CRYBG3: variants seen among roughly 807,000 people sequenced by gnomAD.
CRYBG3 encodes the protein very large A-kinase anchor protein.
Under a neutral mutation model 244.2 loss-of-function variants are expected in CRYBG3, and 127 were observed. The ratio of observed to expected loss-of-function variants is 0.52; its 90% CI spans 0.45 to 0.60. The LOEUF (loss-of-function observed/expected upper bound fraction) is 0.60. Among genes scored for constraint, CRYBG3 ranks in the 20% least tolerant of loss-of-function variants. The pLI is 0.00. For missense variants in CRYBG3, 3,325 were observed against 3,442.5 expected, an observed-to-expected ratio of 0.97 and a Z score of 0.85; for synonymous variants, 1,132 against 1,195.8, an observed-to-expected ratio of 0.95 and a Z score of 1.10.
At chr3:97,939,590 T>C (rs1363433746) in intron 19 of CRYBG3, among the ~76,000 whole-genome samples, 3 of 152,082 alleles carry the variant, frequency 2.0e-5, no homozygotes, top group Admixed American at 6.6e-5. Flanking sequence ...CCTGAGTTAA[T>C]TGATTAAAAC....
At chr3:97,900,912 A>G (rs2039699297) in intron 15 of CRYBG3, among the ~76,000 whole-genome samples, 2 of 152,208 alleles carry the variant, frequency 1.3e-5, no homozygotes, top group Admixed American at 1.3e-4. Context: ...TGAGCTAGTG[A>G]ACTTGAAACC....
chr3:97,885,400 G>A (rs992079180), intron 7 of CRYBG3, among the ~76,000 whole-genome samples: 4 of 152,114 alleles, frequency 2.6e-5, no homozygotes, highest in African/African-American at 4.8e-5. Context: ...ACCTATTAAA[G>A]CATATGCATT....
rs1575970208 is a variant in CRYBG3, at chr3:97,925,811, G to C, written c.8242-7883G>C. Among the ~76,000 whole-genome samples the C allele has an allele frequency of 2.0e-5, 3 of 151,822 alleles. No homozygotes were observed. In the South Asian group the frequency reaches 6.3e-4, roughly 32 times the overall value. On this transcript the variant is annotated intron_variant, in intron 17 of 21. Coordinates refer to ENST00000389622, the MANE Select transcript of CRYBG3 (RefSeq NM_153605.4). ...TAATACTTCTGGGTTTTAGGTATAT[G>C]GTCATCTATGTTATTCTTTTTAAAA...
intron 19 of CRYBG3, 36 bp from the exon 20 acceptor site, chr3:97,941,112 A>G (rs2040223580): frequency 6.4e-7 from 1 of 1,560,178 alleles, no homozygotes; most frequent in South Asian, 1.2e-5. Context: ...CCAGATTCAA[A>G]AGTTTATTTC....
At chr3:97,916,847 GTGGCTACTAA>G (rs2039934169) in intron 17 of CRYBG3, among the ~76,000 whole-genome samples, 1 of 152,030 alleles carries the variant, frequency 6.6e-6, no homozygotes, top group African/African-American at 2.4e-5. Context: ...GAAAGAATAA[GTGGCTACTAA>G]TACTTCTTGT....
intron 1 of CRYBG3, among the ~76,000 whole-genome samples, chr3:97,833,352 G>A (rs1420674175): frequency 6.6e-6 from 1 of 152,134 alleles, no homozygotes; most frequent in Non-Finnish European, 1.5e-5. Context: ...AGAAAATGTG[G>A]CACATATACA....
chr3:97,829,369 A>G (rs1559710818), intron 1 of CRYBG3, among the ~76,000 whole-genome samples: 1 of 152,194 alleles, frequency 6.6e-6, no homozygotes, highest in African/African-American at 2.4e-5. Context: ...AGCCACAAAT[A>G]TATCAACATA....
chr3:97,877,257 A>C lies in CRYBG3; in HGVS notation c.6063A>C (p.Thr2021=), dbSNP rs747639769. 6.2e-7 allele frequency: 1 copy of C among 1,613,746 alleles called. No individual in the cohort carries two copies. The highest frequency in any genetic ancestry group is 1.7e-5 in the Admixed American group (1 of 60,000). ...DKYASAEARQ[T]QSVLFHDTSA... Reference sequence around the variant, plus strand: ...ATGCTTCCGCAGAAGCAAGACAAACACAGTCTGTCTTGTTTCATGATACGT... The same window carrying C: ...ATGCTTCCGCAGAAGCAAGACAAACCCAGTCTGTCTTGTTTCATGATACGT... The change falls in exon 4 of 22, where the codon ACA becomes ACC. Residue 2021 remains threonine (T), a synonymous_variant. Coordinates refer to ENST00000389622, the MANE Select transcript of CRYBG3 (RefSeq NM_153605.4).
chr3:97,843,908 T>C (rs1381700764), intron 2 of CRYBG3, among the ~76,000 whole-genome samples: 3 of 152,146 alleles, frequency 2.0e-5, no homozygotes, highest in African/African-American at 7.2e-5. Context: ...CACGTTTTGG[T>C]AGCTATCCCA....
chr3:97,869,436 A>G (rs901540812), intron 3 of CRYBG3, among the ~76,000 whole-genome samples: 1 of 152,134 alleles, frequency 6.6e-6, no homozygotes, highest in African/African-American at 2.4e-5. Flanking sequence ...TAAGAACAGA[A>G]TTTTGTACTT....
chr3:97,910,729 T>C (rs2039861761), intron 15 of CRYBG3, among the ~76,000 whole-genome samples: 1 of 152,220 alleles, frequency 6.6e-6, no homozygotes, highest in Admixed American at 6.5e-5. Context: ...CGCTGGGAGC[T>C]GTAGACCGGA....
Position 97,876,183 on chromosome 3 carries a change from T to A in CRYBG3, c.4989T>A (p.Val1663=). Residue 1663 remains valine, a synonymous_variant, in exon 4 of 22, where the codon GTT becomes GTA. Coordinates refer to ENST00000389622, the MANE Select transcript of CRYBG3 (RefSeq NM_153605.4). The part of the protein sequence containing the change: ...GDIVKTEMTP[V]TVDMENIYQT... The stretch of plus-strand genomic sequence containing the variant: ...TTGTAAAGACTGAGATGACACCTGT[T>A]ACAGTAGACATGGAAAATATTTACC... The A allele has an allele frequency of 8.1e-7, 1 of 1,231,668 alleles. No individual in the cohort carries two copies. Among genetic ancestry groups the A allele is most frequent in the Non-Finnish European group, 1.0e-6 (1 of 987,824 alleles). 76.3% of individuals were successfully genotyped at this position (1,231,668 alleles called of 1,614,324 possible).
intron 2 of CRYBG3, among the ~76,000 whole-genome samples, chr3:97,855,721 G>A (rs550815071): frequency 3.9e-5 from 6 of 152,220 alleles, no homozygotes; most frequent in Admixed American, 2.6e-4. Flanking sequence ...ATCACATGTC[G>A]GTAGGTTCTG....
At position 97,895,760 on chromosome 3, in the gene CRYBG3, G is replaced by A. The variant is rs147569201; in HGVS notation, c.7575-199G>A. On this transcript the variant is annotated intron_variant, in intron 11 of 21. Coordinates refer to ENST00000389622, the MANE Select transcript of CRYBG3 (RefSeq NM_153605.4). ...AGTTCTATAATTAACCTTTTGTTGG[G>A]AAAAGCCTCCAAATTATAAAAATTA... Among the ~76,000 whole-genome samples, 25 of 152,256 alleles carry A rather than the reference G, an allele frequency of 1.6e-4. 1 individual carries two copies. The East Asian group carries it at 4.8e-3, about 29-fold the overall frequency.
chr3:97,857,091 A>C (rs908196910), intron 2 of CRYBG3, among the ~76,000 whole-genome samples: 2 of 151,910 alleles, frequency 1.3e-5, no homozygotes, highest in African/African-American at 4.8e-5. Flanking sequence ...TTCTACTTTC[A>C]TTTGACGAAA....
At chr3:97,879,842 T>A in intron 5 of CRYBG3, 94 bp downstream of exon 5, 1 of 983,578 alleles carries the variant, frequency 1.0e-6, no homozygotes, top group Non-Finnish European at 1.6e-6. Context: ...ATAATGATTT[T>A]ATTCAAGGAT....
chr3:97,920,694 T>C (rs192794611), intron 17 of CRYBG3, among the ~76,000 whole-genome samples: 1 of 152,144 alleles, frequency 6.6e-6, no homozygotes, highest in Admixed American at 6.5e-5. Flanking sequence ...CACTCCCAGC[T>C]AATGTTTGTA....
In CRYBG3 at chr3:97,872,689, C is replaced by A; in HGVS notation, c.1495C>A (p.His499Asn). The change falls in exon 4 of 22, where the codon CAT becomes AAT. Residue 499 changes from histidine to asparagine, a missense_variant. By Grantham distance (68) the His-to-Asn change is moderately conservative. This residue lies in a region of CRYBG3 where 1,526 missense variants were observed against 1,443.2 expected (regional missense o/e 1.06). Transcript: ENST00000389622. The part of the protein sequence containing the change: ...THTNIIALQR[H>N]AVTDTEFVNE... ...CACCAATATCATTGCTCTTCAGAGACATGCTGTGACAGACACAGAATTTGT... is the reference window on the plus strand; with the variant it reads ...CACCAATATCATTGCTCTTCAGAGAAATGCTGTGACAGACACAGAATTTGT... 1 of 1,535,874 alleles carries A rather than the reference C, an allele frequency of 6.5e-7. No homozygotes were observed. The highest frequency in any genetic ancestry group is 8.7e-7 in the Non-Finnish European group (1 of 1,146,724).
chr3:97,930,501 T>G (rs2107094573), intron 17 of CRYBG3, among the ~76,000 whole-genome samples: 1 of 152,136 alleles, frequency 6.6e-6, no homozygotes, highest in Non-Finnish European at 1.5e-5. Context: ...ACTCAGTGAT[T>G]AGAGATGAGT....
Sources: allele counts gnomAD v4.1 joint callset (sites outside exome capture counted in the v4.1 genomes callset), GRCh38; gene constraint gnomAD v4.1.1; regional missense constraint gnomAD v4.1.1; transcripts MANE v1.5; gene names NCBI Gene and HGNC (gene_info 2026-07-23, HGNC 2026-07-21).